ZDHHC15: variants seen among roughly 807,000 people sequenced by gnomAD.
The protein encoded by ZDHHC15 is zDHHC palmitoyltransferase 15, also known as palmitoyltransferase ZDHHC15.
In ZDHHC15, 19 loss-of-function variants were observed where a neutral mutation model predicts 31.7. That is an observed-to-expected ratio of 0.60 (90% CI 0.42 to 0.88). ZDHHC15 has a LOEUF of 0.88. ZDHHC15 is among the 40% of genes least tolerant of loss of function. ZDHHC15 has a pLI of 0.00. For missense variants in ZDHHC15, 209 were observed against 251.2 expected (o/e 0.83, Z 1.14); for synonymous variants, 103 against 90.0 (o/e 1.14, Z -0.82).
At chrX:75,389,356 A>T (rs2083215953) in intron 10 of ZDHHC15, among the ~76,000 whole-genome samples, 1 of 110,097 alleles carries the variant, frequency 9.1e-6, no homozygotes, top group Admixed American at 9.7e-5. Context: ...GGTACACATG[A>T]CCTAGTGAGA....
chrX:75,435,335 C>A (rs1324319898), intron 4 of ZDHHC15, among the ~76,000 whole-genome samples: 2 of 111,423 alleles, frequency 1.8e-5, no homozygotes, highest in Admixed American at 1.9e-4. Flanking sequence ...TCCTTTATTT[C>A]TTTCTCTTGT....
At chrX:75,457,555 A>T (rs1167898839) in intron 3 of ZDHHC15, among the ~76,000 whole-genome samples, 1 of 109,105 alleles carries the variant, frequency 9.2e-6, no homozygotes, top group East Asian at 2.9e-4. Flanking sequence ...CTGTCTTATG[A>T]CCCCAGCAAT....
intron 2 of ZDHHC15, among the ~76,000 whole-genome samples, chrX:75,490,259 G>C (rs775368441): frequency 9.0e-6 from 1 of 111,032 alleles, no homozygotes; most frequent in Non-Finnish European, 1.9e-5. Flanking sequence ...GATACTCCTC[G>C]AGAAGAGCAA....
chrX:75,369,473 T>C lies in ZDHHC15; in HGVS notation c.*3505A>G, dbSNP rs2082986950. On this transcript the variant is annotated 3_prime_UTR_variant, in exon 12 of 12. Transcript: ENST00000373367. ...TTTAGGTTCATGTTACAATAATGTA[T>C]AATATTCAGTATTCTTAAAACTTAC... 1 of 111,681 alleles carries C rather than the reference T, an allele frequency of 9.0e-6. No individual in the cohort carries two copies. The allele number at this position is 111,681 out of a possible 1,213,427, so 9.2% of individuals were successfully genotyped here.
intron 2 of ZDHHC15, among the ~76,000 whole-genome samples, chrX:75,483,398 C>T (rs898878868): frequency 9.1e-6 from 1 of 109,290 alleles, no homozygotes; most frequent in African/African-American, 3.3e-5. Flanking sequence ...AAAAGTAAGA[C>T]CCTATCACTA....
At chrX:75,392,233 C>G (rs1402318369) in intron 10 of ZDHHC15, among the ~76,000 whole-genome samples, 1 of 111,659 alleles carries the variant, frequency 9.0e-6, no homozygotes, top group Non-Finnish European at 1.9e-5. Context: ...AACTTGGAGT[C>G]CAACATTCAA....
intron 8 of ZDHHC15, 33 bp downstream of exon 8, chrX:75,424,619 A>G: frequency 8.5e-7 from 1 of 1,170,029 alleles, no homozygotes; most frequent in African/African-American, 1.8e-5. Context: ...ACACATTAAT[A>G]TGTTTTTTCC....
At chrX:75,501,231 C>G (rs1036619070) in intron 2 of ZDHHC15, among the ~76,000 whole-genome samples, 1 of 110,763 alleles carries the variant, frequency 9.0e-6, no homozygotes. Context: ...ATTTTCTGTT[C>G]GGTAAAGATA....
intron 9 of ZDHHC15, among the ~76,000 whole-genome samples, chrX:75,421,009 A>G (rs2083620217): frequency 9.1e-6 from 1 of 110,331 alleles, no homozygotes; most frequent in South Asian, 3.9e-4. Flanking sequence ...TCATATTTTT[A>G]TTCATAAAAT....
At chrX:75,407,555 G>C in intron 10 of ZDHHC15, among the ~76,000 whole-genome samples, 1 of 110,541 alleles carries the variant, frequency 9.0e-6, no homozygotes, top group Non-Finnish European at 1.9e-5. Context: ...GAGGTGGGGG[G>C]CAGCCCCCGC....
chrX:75,371,512 A>G lies in ZDHHC15; in HGVS notation c.*1466T>C, dbSNP rs1007675853. On this transcript the variant is annotated 3_prime_UTR_variant, in exon 12 of 12. Coordinates refer to ENST00000373367, the MANE Select transcript of ZDHHC15 (RefSeq NM_144969.3). ...TTTTGTTGTTGCTTTAAGTAGCTGG[A>G]TTGTTCACTTTCTCAGCTCCACTGG... 2.7e-5 allele frequency: 3 copies of G among 111,915 alleles called. No individual in the cohort carries two copies. The highest frequency in any genetic ancestry group is 9.7e-5 in the African/African-American group (3 of 30,775). The allele number at this position is 111,915 out of a possible 1,213,427, so 9.2% of individuals were successfully genotyped here. A position where few individuals can be genotyped will look rare whatever the true frequency, so the allele number is the denominator to read the frequency against.
chrX:75,461,719 C>T (rs1397782729), intron 3 of ZDHHC15, among the ~76,000 whole-genome samples: 3 of 111,844 alleles, frequency 2.7e-5, no homozygotes, highest in African/African-American at 9.8e-5. Context: ...CCTTTTCAGA[C>T]AAGAAAATAC....
chrX:75,421,738 A>G, intron 9 of ZDHHC15, 126 bp downstream of exon 9: 1 of 714,667 alleles, frequency 1.4e-6, no homozygotes, highest in Admixed American at 4.0e-5. Flanking sequence ...TAACCTAGAA[A>G]TGAAGAACTT....
At chrX:75,460,893 A>G (rs1379101450) in intron 3 of ZDHHC15, among the ~76,000 whole-genome samples, 1 of 112,160 alleles carries the variant, frequency 8.9e-6, no homozygotes, top group Non-Finnish European at 1.9e-5. Flanking sequence ...CTTCAAATGA[A>G]TGCAACACCT....
intron 4 of ZDHHC15, among the ~76,000 whole-genome samples, chrX:75,433,651 TGAGTA>T (rs2083809424): frequency 1.9e-5 from 2 of 104,904 alleles, no homozygotes; most frequent in Non-Finnish European, 3.9e-5. Context: ...TTTTTATGGC[TGAGTA>T]GTGTGTGTGT....
chrX:75,454,466 G>C (rs2084181246), intron 3 of ZDHHC15, among the ~76,000 whole-genome samples: 1 of 111,775 alleles, frequency 8.9e-6, no homozygotes, highest in African/African-American at 3.2e-5. Flanking sequence ...GGATGGCTAG[G>C]TCAAATGGTA....
At chrX:75,483,744 A>G (rs1282503459) in intron 2 of ZDHHC15, among the ~76,000 whole-genome samples, 1 of 111,312 alleles carries the variant, frequency 9.0e-6, no homozygotes, top group Non-Finnish European at 1.9e-5. Context: ...GATAGTTGAA[A>G]TATCATTATT....
chrX:75,389,928 C>G (rs1300485668), intron 10 of ZDHHC15, among the ~76,000 whole-genome samples: 1 of 111,954 alleles, frequency 8.9e-6, no homozygotes, highest in Non-Finnish European at 1.9e-5. Context: ...CAATTCTAGG[C>G]CTTGACTCTT....
At chrX:75,450,436 C>T (rs1015018431) in intron 4 of ZDHHC15, among the ~76,000 whole-genome samples, 2 of 111,393 alleles carry the variant, frequency 1.8e-5, no homozygotes, top group Non-Finnish European at 3.8e-5. Context: ...TTTAACAAAA[C>T]AGAATAAAAT....
Sources: allele counts gnomAD v4.1 joint callset (sites outside exome capture counted in the v4.1 genomes callset), GRCh38; gene constraint gnomAD v4.1.1; transcripts MANE v1.5; gene names NCBI Gene and HGNC (gene_info 2026-07-23, HGNC 2026-07-21).